CNTN3: variants seen among roughly 807,000 people sequenced by gnomAD.
The protein encoded by CNTN3 is contactin 3.
A neutral mutation model predicts 119.1 loss-of-function variants in CNTN3; 60 were observed. The ratio of observed to expected loss-of-function variants is 0.50; its 90% CI spans 0.41 to 0.62. The LOEUF (loss-of-function observed/expected upper bound fraction) is 0.62, where lower values mean the gene tolerates loss of function less well. Ranked by LOEUF, CNTN3 falls within the 20% of genes least tolerant of loss-of-function variation. The pLI is 0.00. For missense variants in CNTN3, 1,101 were observed against 1,242.4 expected (o/e 0.89, Z 1.71); for synonymous variants, 450 against 438.7 (o/e 1.03, Z -0.32).
At chr3:74,461,576 T>C (rs1173201584) in intron 4 of CNTN3, among the ~76,000 whole-genome samples, 1 of 152,068 alleles carries the variant, frequency 6.6e-6, no homozygotes, top group African/African-American at 2.4e-5. Flanking sequence ...TTGGCAATGT[T>C]AAAATTGATA....
intron 20 of CNTN3, among the ~76,000 whole-genome samples, chr3:74,277,631 G>C (rs1701907112): frequency 6.6e-6 from 1 of 152,004 alleles, no homozygotes; most frequent in African/African-American, 2.4e-5. Context: ...TGTAATAAAA[G>C]CCATCTATGA....
rs532979420 is a variant in CNTN3, at chr3:74,371,745, T to C, written c.455-346A>G. On this transcript the variant is annotated intron_variant, in intron 5 of 22. Transcript: ENST00000263665. ...AAAATTAACAATCTAATCATGTCAA[T>C]TCCTGACATCAAACTTGGCGAAGTT... Among the ~76,000 whole-genome samples the C allele has an allele frequency of 2.0e-4, 30 of 152,242 alleles. 1 individual carries two copies. In the South Asian group the frequency reaches 5.8e-3, roughly 29 times the overall value.
At chr3:74,506,623 A>G (rs1202826863) in intron 2 of CNTN3, among the ~76,000 whole-genome samples, 1 of 151,994 alleles carries the variant, frequency 6.6e-6, no homozygotes. Flanking sequence ...TTCTTGCTAG[A>G]CAGCTTAATA....
At chr3:74,465,346 C>T (rs1301901938) in intron 4 of CNTN3, among the ~76,000 whole-genome samples, 1 of 152,136 alleles carries the variant, frequency 6.6e-6, no homozygotes, top group Non-Finnish European at 1.5e-5. Context: ...TTTATCGTTA[C>T]TATTACACTC....
chr3:74,278,254 TA>T (rs951184928), intron 20 of CNTN3, among the ~76,000 whole-genome samples: 27 of 151,752 alleles, frequency 1.8e-4, no homozygotes, highest in African/African-American at 4.1e-4. Context: ...CAAAGGATTA[TA>T]AAAAAAACTC....
At chr3:74,348,927 A>T (rs1360033595) in intron 11 of CNTN3, among the ~76,000 whole-genome samples, 14 of 152,064 alleles carry the variant, frequency 9.2e-5, no homozygotes, top group Admixed American at 3.9e-4. Context: ...ATAAAAAAAA[A>T]ATATAAAAAT....
chr3:74,275,888 T>C (rs1411867218), intron 20 of CNTN3, among the ~76,000 whole-genome samples: 1 of 152,074 alleles, frequency 6.6e-6, no homozygotes, highest in African/African-American at 2.4e-5. Context: ...TCTGCTGCCT[T>C]CAGGAGACTC....
At chr3:74,558,589 A>T (rs1245078392) in intron 1 of CNTN3, among the ~76,000 whole-genome samples, 1 of 152,190 alleles carries the variant, frequency 6.6e-6, no homozygotes, top group Non-Finnish European at 1.5e-5. Context: ...TTAAACCTGA[A>T]TTTGAGTCCT....
chr3:74,266,422 A>C, intron 22 of CNTN3, 59 bp downstream of exon 22: 18 of 1,479,406 alleles, frequency 1.2e-5, no homozygotes, highest in Admixed American at 1.7e-5. Context: ...TGATTGACTC[A>C]CTATGGCGGA....
At chr3:74,532,973 G>T (rs1181616265) in intron 1 of CNTN3, among the ~76,000 whole-genome samples, 1 of 151,972 alleles carries the variant, frequency 6.6e-6, no homozygotes, top group Non-Finnish European at 1.5e-5. Context: ...AAAGTATGCT[G>T]AAAAGGGAAT....
chr3:74,408,669 C>G (rs543496188), intron 5 of CNTN3, among the ~76,000 whole-genome samples: 3 of 152,056 alleles, frequency 2.0e-5, no homozygotes, highest in Non-Finnish European at 4.4e-5. Flanking sequence ...TGTAATTAGA[C>G]AGGGTATTTA....
At chr3:74,419,129 C>T (rs887917107) in intron 5 of CNTN3, among the ~76,000 whole-genome samples, 1 of 152,118 alleles carries the variant, frequency 6.6e-6, no homozygotes, top group African/African-American at 2.4e-5. Context: ...ACCTGCAGAA[C>T]AGTAGCAAAG....
At chr3:74,481,796 C>T (rs1575768657) in intron 4 of CNTN3, among the ~76,000 whole-genome samples, 3 of 151,554 alleles carry the variant, frequency 2.0e-5, no homozygotes, top group East Asian at 1.9e-4. Context: ...GGAATAATAA[C>T]ATCAAATTCT....
At chr3:74,416,880 CG>C (rs1169391057) in intron 5 of CNTN3, among the ~76,000 whole-genome samples, 4 of 151,452 alleles carry the variant, frequency 2.6e-5, no homozygotes, top group African/African-American at 7.3e-5. Context: ...CCCAGCTACT[CG>C]GGAGGTTGAG....
chr3:74,283,837 C>T (rs1559680062), intron 20 of CNTN3, among the ~76,000 whole-genome samples: 1 of 152,044 alleles, frequency 6.6e-6, no homozygotes, highest in East Asian at 1.9e-4. Context: ...ATTTCCAAAC[C>T]CATGTGCTCT....
intron 13 of CNTN3, among the ~76,000 whole-genome samples, chr3:74,328,517 A>G (rs929950657): frequency 2.0e-5 from 3 of 152,134 alleles, no homozygotes; most frequent in African/African-American, 7.2e-5. Flanking sequence ...GCTTTAGTAC[A>G]AGAAGTCACA....
chr3:74,614,491 C>T lies in CNTN3; in HGVS notation c.-181G>A, dbSNP rs1052344423. Among the ~76,000 whole-genome samples, 37 of 146,154 alleles carry T rather than the reference C, an allele frequency of 2.5e-4. No homozygotes were observed. Among genetic ancestry groups the T allele is most frequent in the South Asian group, 8.4e-4 (4 of 4,768 alleles). ...CCGCCGCCGCCGCAGTTAGTCCGGG[C>T]CCGGGGGGCCGCCGTGCGCGCCCGC... On this transcript the variant is annotated 5_prime_UTR_variant, in exon 1 of 23. Transcript: ENST00000263665.
At chr3:74,376,399 C>G (rs925045610) in intron 5 of CNTN3, among the ~76,000 whole-genome samples, 3 of 152,126 alleles carry the variant, frequency 2.0e-5, no homozygotes, top group African/African-American at 4.8e-5. Flanking sequence ...TGCCTCCTGT[C>G]AGATCAGCAG....
At chr3:74,316,168 G>A (rs1445938164) in intron 13 of CNTN3, among the ~76,000 whole-genome samples, 3 of 152,080 alleles carry the variant, frequency 2.0e-5, no homozygotes, top group African/African-American at 7.2e-5. Context: ...GATAGGAAGT[G>A]GGCAAATGAC....
Sources: gnomAD v4.1 joint callset for allele counts (sites outside exome capture counted in the v4.1 genomes callset) on GRCh38, gnomAD v4.1.1 for gene constraint, MANE v1.5 for transcripts, NCBI Gene and HGNC (gene_info 2026-07-23, HGNC 2026-07-21) for gene names.